Variants in RAB5B observed in about 807,000 individuals in gnomAD.
RAB5B encodes the protein RAB5B, member RAS oncogene family.
Under a neutral mutation model 28.6 loss-of-function variants are expected in RAB5B, and 11 were observed. The ratio of observed to expected loss-of-function variants is 0.38; its 90% confidence interval spans 0.24 to 0.64. The LOEUF (loss-of-function observed/expected upper bound fraction) is 0.64, where lower values mean the gene tolerates loss of function less well. RAB5B is among the 30% of genes least tolerant of loss of function. The pLI, the probability that RAB5B is intolerant of heterozygous loss-of-function variation, is 0.53. For missense variants in RAB5B, 169 were observed against 265.6 expected, an observed-to-expected ratio of 0.64 and a Z score of 2.53; for synonymous variants, 93 against 97.9, an observed-to-expected ratio of 0.95 and a Z score of 0.29.
chr12:55,996,003 A>ATATATATATATTTTTTTTTTTT lies in RAB5B; in HGVS notation c.*3792_*3793insATATATATATTTTTTTTTTTTT. The ATATATATATATTTTTTTTTTTT allele has an allele frequency of 7.2e-5, 7 of 97,426 alleles. No homozygotes were observed. The highest frequency in any genetic ancestry group is 1.9e-4 in the African/African-American group (4 of 21,114). The allele number at this position is 97,426 out of a possible 1,614,324, so 6.0% of individuals were successfully genotyped here. On this transcript the variant is annotated 3_prime_UTR_variant, in exon 6 of 6. Coordinates refer to ENST00000360299, the MANE Select transcript of RAB5B (RefSeq NM_002868.4). ...TATATACATATATATATATATATAT[A>ATATATATATATTTTTTTTTTTT]TTTTTTTTTTAACAACTGGTAGGAT...
intron 2 of RAB5B, among the ~76,000 whole-genome samples, 182 bp from the exon 3 acceptor site, chr12:55,989,765 G>A (rs919217562): frequency 6.6e-6 from 1 of 152,142 alleles, no homozygotes; most frequent in Non-Finnish European, 1.5e-5. Context: ...CTTAGCCAAG[G>A]GCAGTCTTAA....
chr12:55,983,745 A>G (rs1222484372), intron 1 of RAB5B, among the ~76,000 whole-genome samples: 2 of 147,024 alleles, frequency 1.4e-5, no homozygotes, highest in Non-Finnish European at 3.0e-5. Flanking sequence ...ACAACCTTCA[A>G]CTCCTGGGCT....
rs1348938793 is a variant in RAB5B at position 55,995,989 on chromosome 12, A to ATTT, written c.*3778_*3779insTTT. 1 of 100,336 alleles carries ATTT rather than the reference A, an allele frequency of 1.0e-5. No homozygotes were observed. The highest frequency in any genetic ancestry group is 5.3e-5 in the African/African-American group (1 of 18,904). The allele number at this position is 100,336 out of a possible 1,614,324, so 6.2% of individuals were successfully genotyped here. On this transcript the variant is annotated 3_prime_UTR_variant, in exon 6 of 6. Transcript: ENST00000360299. ...TCTCTCTCCATATATATATACATAT[A>ATTT]TATATATATATATATTTTTTTTTTA...
intron 1 of RAB5B, among the ~76,000 whole-genome samples, chr12:55,983,924 C>T (rs1387287317): frequency 6.6e-6 from 1 of 152,048 alleles, no homozygotes; most frequent in African/African-American, 2.4e-5. Context: ...TCTCCCAAAC[C>T]CCTGGGATTA....
At chr12:55,990,928 A>G (rs1436841236) in intron 4 of RAB5B, 124 bp downstream of exon 4, 1 of 1,270,108 alleles carries the variant, frequency 7.9e-7, no homozygotes, top group East Asian at 2.4e-5. Flanking sequence ...CCAGTTCTAC[A>G]CCAAGTTAAA....
intron 1 of RAB5B, chr12:55,981,060 G>A (rs1246498445): frequency 1.9e-6 from 3 of 1,593,964 alleles, no homozygotes; most frequent in Admixed American, 3.3e-5. Context: ...GCCGGGGAAG[G>A]GATGGGGCTA....
At chr12:55,983,761 G>A (rs1889874391) in intron 1 of RAB5B, among the ~76,000 whole-genome samples, 1 of 149,672 alleles carries the variant, frequency 6.7e-6, no homozygotes, top group South Asian at 2.1e-4. Flanking sequence ...GGGCTCCAGT[G>A]ATTCTCCCAC....
At position 55,992,126 on chromosome 12, in the gene RAB5B, A is replaced by G. The variant is rs978033745; in HGVS notation, c.562A>G (p.Asn188Asp). Reference sequence around the variant, plus strand: ...GAAGTTGCCAAAGAGTGAACCCCAGAATCTGGGAGGTGCAGCAGGCCGAAG... The same window carrying G: ...GAAGTTGCCAAAGAGTGAACCCCAGGATCTGGGAGGTGCAGCAGGCCGAAG... ...AKKLPKSEPQ[N>D]LGGAAGRSRG... The change falls in exon 6 of 6, where the codon AAT becomes GAT. Residue 188 changes from asparagine to aspartate, a missense_variant. Transcript: ENST00000360299. 5.6e-6 allele frequency: 9 copies of G among 1,614,104 alleles called. No individual in the cohort carries two copies. Among genetic ancestry groups the G allele is most frequent in the Non-Finnish European group, 7.6e-6 (9 of 1,180,000 alleles).
At chr12:55,983,891 C>T (rs1442350879) in intron 1 of RAB5B, among the ~76,000 whole-genome samples, 4 of 152,072 alleles carry the variant, frequency 2.6e-5, no homozygotes, top group Non-Finnish European at 5.9e-5. Context: ...AACTCCTCAC[C>T]TCAAGCAAGG....
intron 2 of RAB5B, among the ~76,000 whole-genome samples, chr12:55,987,479 A>C (rs949811624): frequency 2.6e-5 from 4 of 151,908 alleles, no homozygotes; most frequent in African/African-American, 9.7e-5. Flanking sequence ...GGCTTTTGAA[A>C]AGAGATATAA....
intron 1 of RAB5B, among the ~76,000 whole-genome samples, chr12:55,985,130 A>G (rs1889917848): frequency 1.3e-5 from 2 of 152,212 alleles, no homozygotes; most frequent in African/African-American, 4.8e-5. Context: ...ATGCACACAT[A>G]TATTTAGTGA....
intron 2 of RAB5B, among the ~76,000 whole-genome samples, chr12:55,989,559 C>T (rs1045313747): frequency 2.6e-5 from 4 of 152,218 alleles, no homozygotes; most frequent in Non-Finnish European, 4.4e-5. Context: ...GGATTACAGG[C>T]GTGAGCTACC....
chr12:55,989,400 G>A (rs1246256748), intron 2 of RAB5B, among the ~76,000 whole-genome samples: 4 of 152,030 alleles, frequency 2.6e-5, no homozygotes, highest in South Asian at 2.1e-4. Flanking sequence ...TCAGCCTCCC[G>A]AGTAGCTGTG....
At chr12:55,979,413 A>G (rs1889737574) in intron 1 of RAB5B, 1 of 152,232 alleles carries the variant, frequency 6.6e-6, no homozygotes, top group Non-Finnish European at 1.5e-5. Flanking sequence ...GCCAAGTGGT[A>G]GAACTCTCAT....
chr12:55,982,011 A>T (rs1889822087), intron 1 of RAB5B, among the ~76,000 whole-genome samples: 1 of 152,004 alleles, frequency 6.6e-6, no homozygotes, highest in South Asian at 2.1e-4. Context: ...CATGTTCGCC[A>T]GACTGGTGTT....
chr12:55,990,752 C>T lies in RAB5B; in HGVS notation c.386C>T (p.Ala129Val). The change falls in exon 4 of 6, where the codon GCC (alanine) becomes GTC (valine). Residue 129 changes from alanine to valine, a missense_variant. This residue lies in a region of RAB5B where 123 missense variants were observed against 162.4 expected (regional missense o/e 0.76). Transcript: ENST00000360299. ...CAGGCCAGTCCTAGCATCGTTATTG[C>T]CCTGGCAGGGAACAAAGCTGACCTG... Reference protein sequence around the residue: ...QRQASPSIVIALAGNKADLAN... With the variant: ...QRQASPSIVIVLAGNKADLAN... 3 of 1,614,058 alleles carry T rather than the reference C, an allele frequency of 1.9e-6. No homozygotes were observed. The highest frequency in any genetic ancestry group is 1.1e-5 in the South Asian group (1 of 91,088).
chr12:55,991,138 A>G (rs1452380216), intron 4 of RAB5B: 6 of 553,978 alleles, frequency 1.1e-5, no homozygotes, highest in Admixed American at 3.1e-5. Context: ...CCTCTCCCCT[A>G]TAATTAAGCT....
chr12:55,985,424 A>G (rs1218027969), intron 1 of RAB5B, among the ~76,000 whole-genome samples: 2 of 152,114 alleles, frequency 1.3e-5, no homozygotes, highest in African/African-American at 2.4e-5. Context: ...GCAAAGTACA[A>G]CTCTCAAGCA....
Position 55,996,549 on chromosome 12 carries a change from C to T in RAB5B, c.*4337C>T, listed in dbSNP as rs929024290. On this transcript the variant is annotated 3_prime_UTR_variant, in exon 6 of 6. Coordinates refer to ENST00000360299, the MANE Select transcript of RAB5B (RefSeq NM_002868.4). The stretch of plus-strand genomic sequence containing the variant: ...CTGGAGTGCAGTGCCGCGATCTTGG[C>T]TCAGTGCAACCTCGAACTCCTGGGC... 2.4e-4 allele frequency: 36 copies of T among 152,338 alleles called. No homozygotes were observed. The highest frequency in any genetic ancestry group is 8.4e-4 in the African/African-American group (35 of 41,546). 9.4% of individuals were successfully genotyped at this position (152,338 alleles called of 1,614,324 possible). A position where few individuals can be genotyped will look rare whatever the true frequency, so the allele number is the denominator to read the frequency against.
Sources: gnomAD v4.1 joint callset for allele counts (sites outside exome capture counted in the v4.1 genomes callset) on GRCh38, gnomAD v4.1.1 for gene constraint, gnomAD v4.1.1 regional missense constraint, MANE v1.5 for transcripts, NCBI Gene and HGNC (gene_info 2026-07-23, HGNC 2026-07-21) for gene names.